LOC400499: variants seen among roughly 807,000 people sequenced by gnomAD.
the LOC400499 span, chr16:11,411,216 T>A: frequency 2.8e-5 from 11 of 398,984 alleles, no homozygotes; most frequent in Non-Finnish European, 4.4e-5. Flanking sequence ...CTGGAACCAG[T>A]TAGGAGCCAG....
the LOC400499 span, chr16:11,473,197 G>T: frequency 2.0e-5 from 3 of 151,494 alleles, no homozygotes; most frequent in African/African-American, 7.3e-5. Flanking sequence ...AGCTCAGAAA[G>T]ATTTCTAAAA....
chr16:11,390,374 G>T, the LOC400499 span: 4 of 1,236,700 alleles, frequency 3.2e-6, no homozygotes, highest in Non-Finnish European at 4.0e-6. Context: ...TGCAGCCGCC[G>T]CATGGCCTCC....
At chr16:11,426,756 C>T in the LOC400499 span, among the ~76,000 whole-genome samples, 1 of 150,794 alleles carries the variant, frequency 6.6e-6, no homozygotes, top group Admixed American at 6.6e-5. Context: ...AAGGGAGACC[C>T]CACCTCTAAA....
the LOC400499 span, among the ~76,000 whole-genome samples, chr16:11,379,780 G>T: frequency 1.1e-4 from 17 of 152,148 alleles, no homozygotes; most frequent in Admixed American, 1.1e-3. Flanking sequence ...TTTTTATTGT[G>T]ACACACTTAG....
At chr16:11,505,281 G>A in the LOC400499 span, among the ~76,000 whole-genome samples, 6 of 151,884 alleles carry the variant, frequency 4.0e-5, no homozygotes, top group East Asian at 3.8e-4. Flanking sequence ...ACCTTAGCAC[G>A]TCATGTCATA....
chr16:11,500,136 G>A, the LOC400499 span, among the ~76,000 whole-genome samples: 1 of 152,084 alleles, frequency 6.6e-6, no homozygotes, highest in Non-Finnish European at 1.5e-5. Context: ...CCAGACACCA[G>A]GAGAACCACT....
the LOC400499 span, among the ~76,000 whole-genome samples, chr16:11,486,445 T>C: frequency 2.0e-5 from 2 of 101,302 alleles, no homozygotes; most frequent in Non-Finnish European, 3.9e-5. Context: ...GATGGATGGA[T>C]GAATGGTACA....
At chr16:11,471,545 G>A in the LOC400499 span, 4 of 398,620 alleles carry the variant, frequency 1.0e-5, no homozygotes, top group East Asian at 1.4e-4. Flanking sequence ...GACCAGCACA[G>A]CCCAACAGCC....
chr16:11,447,686 G>A, the LOC400499 span, among the ~76,000 whole-genome samples: 1 of 152,038 alleles, frequency 6.6e-6, no homozygotes, highest in Non-Finnish European at 1.5e-5. Flanking sequence ...GACGCCCCAA[G>A]CAGCTCCAGG....
chr16:11,393,464 G>C, the LOC400499 span: 1 of 1,232,296 alleles, frequency 8.1e-7, no homozygotes, highest in Non-Finnish European at 1.0e-6. Flanking sequence ...TCTCCTCTCT[G>C]TTGTCCACGC....
At chr16:11,421,939 T>C in the LOC400499 span, among the ~76,000 whole-genome samples, 3 of 152,232 alleles carry the variant, frequency 2.0e-5, no homozygotes, top group Non-Finnish European at 4.4e-5. Flanking sequence ...ACACATATTT[T>C]ACTACAACAA....
At chr16:11,462,325 CT>C in the LOC400499 span, 4 of 1,452,676 alleles carry the variant, frequency 2.8e-6, no homozygotes, top group Non-Finnish European at 3.6e-6. Flanking sequence ...TCAGTGTCAC[CT>C]GGGAGGACAG....
chr16:11,451,474 G>C, the LOC400499 span, among the ~76,000 whole-genome samples: 1 of 152,198 alleles, frequency 6.6e-6, no homozygotes, highest in East Asian at 1.9e-4. Flanking sequence ...AGCTACTTGG[G>C]AGGCTGAGGT....
chr16:11,448,981 A>C, the LOC400499 span: 2 of 1,507,762 alleles, frequency 1.3e-6, no homozygotes, highest in Non-Finnish European at 1.8e-6. Flanking sequence ...TTCAACCAGC[A>C]GTTCAGGATC....
chr16:11,449,006 G>T, the LOC400499 span: 18 of 1,525,046 alleles, frequency 1.2e-5, no homozygotes, highest in Admixed American at 3.3e-4. Context: ...GGTCCCGGCT[G>T]TTCTCAGCAT....
At chr16:11,525,693 C>T in the LOC400499 span, among the ~76,000 whole-genome samples, 4 of 152,216 alleles carry the variant, frequency 2.6e-5, no homozygotes, top group Admixed American at 1.3e-4. Flanking sequence ...GGCTACAAAG[C>T]AGCCTGGCCC....
chr16:11,433,799 C>T, the LOC400499 span, among the ~76,000 whole-genome samples: 1 of 152,244 alleles, frequency 6.6e-6, no homozygotes, highest in African/African-American at 2.4e-5. Context: ...GGGCTGAACA[C>T]ACAGAGGGTG....
At chr16:11,512,365 G>A in the LOC400499 span, among the ~76,000 whole-genome samples, 75 of 152,252 alleles carry the variant, frequency 4.9e-4, no homozygotes, top group African/African-American at 1.5e-3. Context: ...TTGGGAGGCC[G>A]AGGCAGGCAG....
At chr16:11,484,778 G>C in the LOC400499 span, 1 of 397,816 alleles carries the variant, frequency 2.5e-6, no homozygotes, top group Non-Finnish European at 4.4e-6. Context: ...AGGAGGCAGA[G>C]TCAGAGTTCA....
Sources: gnomAD v4.1 joint callset for allele counts (sites outside exome capture counted in the v4.1 genomes callset) on GRCh38, gnomAD v4.1.1 for gene constraint, MANE v1.5 for transcripts.